Variants in UQCRC1 observed in about 807,000 individuals in gnomAD.
UQCRC1 encodes the protein ubiquinol-cytochrome c reductase core protein 1.
A neutral mutation model predicts 58.0 loss-of-function variants in UQCRC1; 34 were observed. That is an observed-to-expected ratio of 0.59 (90% confidence interval 0.45 to 0.78). The LOEUF is 0.78. UQCRC1 is among the 30% of genes least tolerant of loss of function. The pLI is 0.00. For synonymous variants in UQCRC1, 276 were observed against 248.8 expected (o/e 1.11, Z -1.03); for missense variants, 610 against 646.0 (o/e 0.94, Z 0.60).
chr3:48,603,995 C>T (rs1371737827), intron 5 of UQCRC1: 1 of 597,434 alleles, frequency 1.7e-6, no homozygotes, highest in African/African-American at 1.9e-5. Flanking sequence ...AGACACTTCG[C>T]CCTTGGACTG....
intron 12 of UQCRC1, 70 bp downstream of exon 12, chr3:48,599,565 G>T: frequency 6.5e-7 from 1 of 1,544,028 alleles, no homozygotes; most frequent in South Asian, 1.1e-5. Context: ...TGCGGGAGCA[G>T]AGGTGGAAGG....
At chr3:48,600,379 A>G in intron 10 of UQCRC1, 103 bp downstream of exon 10, 4 of 1,466,350 alleles carry the variant, frequency 2.7e-6, no homozygotes, top group South Asian at 2.4e-5. Context: ...CGTGGTCTTC[A>G]AAGTTTTCCT....
At position 48,601,446 on chromosome 3, in the gene UQCRC1, A is replaced by AAC; in HGVS notation, c.726_727dup (p.Leu243CysfsTer2). The stretch of plus-strand genomic sequence containing the variant: ...ACCGAGGTGCTTCTGGGCGAGGTCT[A>AAC]ACAGTTGCTGGTGCTCCACTCCTGC... On this transcript the variant is annotated frameshift_variant, in exon 7 of 13. Transcript: ENST00000203407. LOFTEE classifies it high-confidence loss of function. 1 of 1,614,092 alleles carries AAC rather than the reference A, an allele frequency of 6.2e-7. No homozygotes were observed. Among genetic ancestry groups the AAC allele is most frequent in the Non-Finnish European group, 8.5e-7 (1 of 1,180,004 alleles).
chr3:48,600,531 C>A lies in UQCRC1; in HGVS notation c.1164G>T (p.Val388=), dbSNP rs140583334. The change falls in exon 10 of 13, where the codon GTG becomes GTT. Residue 388 remains valine, a synonymous_variant. Transcript: ENST00000203407. ...TTCTGAGGATGTTTTTGCCCCGGGC[C>A]ACCTCACTCTCCGTGGCACTGGTAC... is the stretch of plus-strand genomic sequence containing the variant. ...RLCTSATESE[V]ARGKNILRNA... 1,273 of 1,614,066 alleles carry A rather than the reference C, an allele frequency of 7.9e-4. 17 individuals carry two copies. The East Asian group carries it at 0.021, about 27-fold the overall frequency.
At chr3:48,599,324 G>T in intron 12 of UQCRC1, 132 bp from the exon 13 acceptor site, 1 of 1,090,756 alleles carries the variant, frequency 9.2e-7, no homozygotes, top group Non-Finnish European at 1.3e-6. Context: ...AGAGAGGAGA[G>T]AACATTCCCC....
chr3:48,608,658 T>C (rs769716843), intron 2 of UQCRC1, among the ~76,000 whole-genome samples: 11 of 152,264 alleles, frequency 7.2e-5, no homozygotes, highest in Non-Finnish European at 1.3e-4. Context: ...CCTATTCATA[T>C]ATCTATCTGT....
chr3:48,603,384 G>A (rs1033274073), intron 6 of UQCRC1, among the ~76,000 whole-genome samples, 180 bp downstream of exon 6: 7 of 152,158 alleles, frequency 4.6e-5, no homozygotes, highest in Non-Finnish European at 8.8e-5. Context: ...CAGTGGTGGC[G>A]GCAGGGTAGA....
intron 2 of UQCRC1, among the ~76,000 whole-genome samples, chr3:48,608,646 C>T (rs1020102104): frequency 1.3e-5 from 2 of 152,202 alleles, no homozygotes; most frequent in Non-Finnish European, 2.9e-5. Flanking sequence ...GGAATCTTCT[C>T]ACCTATTCAT....
At chr3:48,601,543 A>G (rs2046366579) in intron 6 of UQCRC1, 76 bp from the exon 7 acceptor site, 1 of 1,368,284 alleles carries the variant, frequency 7.3e-7, no homozygotes, top group African/African-American at 1.4e-5. Flanking sequence ...AGACAGGCAG[A>G]GGACCCCCAT....
At chr3:48,604,903 G>A in intron 3 of UQCRC1, 123 bp from the exon 4 acceptor site, 1 of 1,374,982 alleles carries the variant, frequency 7.3e-7, no homozygotes, top group South Asian at 1.3e-5. Context: ...ATAGACTCTG[G>A]GGACACAGAT....
At position 48,609,185 on chromosome 3, in the gene UQCRC1, GCT is replaced by G; in HGVS notation, c.185_186del (p.Glu62AlafsTer14). On this transcript the variant is annotated frameshift_variant, in exon 2 of 13. Coordinates refer to ENST00000203407, the MANE Select transcript of UQCRC1 (RefSeq NM_003365.3). LOFTEE classifies it high-confidence loss of function. Reference protein sequence around the residue: ...LLDNGLRVASEQSSQPTCTVG... With the variant: ...LLDNGLRVASXQSSQPTCTVG... ...ACCGTGCAAGTGGGCTGAGAGGACTGCTCGGAGGCCACACGCAGGCCGTTGTC... is the reference window on the plus strand; with the variant it reads ...ACCGTGCAAGTGGGCTGAGAGGACTGCGGAGGCCACACGCAGGCCGTTGTC... 6.2e-7 allele frequency: 1 copy of G among 1,612,350 alleles called. No homozygotes were observed. The highest frequency in any genetic ancestry group is 8.5e-7 in the Non-Finnish European group (1 of 1,179,214).
At position 48,601,404 on chromosome 3, in the gene UQCRC1, T is replaced by A; in HGVS notation, c.770A>T (p.Tyr257Phe). 6.2e-7 allele frequency: 1 copy of A among 1,614,208 alleles called. No individual in the cohort carries two copies. The highest frequency in any genetic ancestry group is 8.5e-7 in the Non-Finnish European group (1 of 1,180,024). Residue 257 changes from tyrosine to phenylalanine, a missense_variant, in exon 7 of 13, where the codon TAT becomes TTT. Coordinates refer to ENST00000203407, the MANE Select transcript of UQCRC1 (RefSeq NM_003365.3). ...AAGAGTGGGCACAGCGTCCTCTGCA[T>A]ATGTCCATGGGATGCCACCGAGGTG... ...QKHLGGIPWT[Y>F]AEDAVPTLTP...
intron 1 of UQCRC1, 108 bp downstream of exon 1, chr3:48,609,444 G>A (rs2046444922): frequency 1.3e-6 from 2 of 1,519,642 alleles, no homozygotes; most frequent in Non-Finnish European, 1.8e-6. Flanking sequence ...CCTTCCCACG[G>A]CCCTGACCCC....
At position 48,604,388 on chromosome 3, in the gene UQCRC1, T is replaced by C. The variant is rs1029209205; in HGVS notation, c.471A>G (p.Glu157=). The C allele has an allele frequency of 6.2e-7, 1 of 1,614,228 alleles. No homozygotes were observed. The highest frequency in any genetic ancestry group is 8.5e-7 in the Non-Finnish European group (1 of 1,180,048). ...LGDIVQNCSL[E]DSQIEKERDV... Reference sequence around the variant, plus strand: ...CACGTTCCTTCTCAATCTGTGAGTCTTCCAGACTACAGTTCTGCACAATGT... The same window carrying C: ...CACGTTCCTTCTCAATCTGTGAGTCCTCCAGACTACAGTTCTGCACAATGT... The change falls in exon 5 of 13, where the codon GAA becomes GAG. Residue 157 remains glutamate, a synonymous_variant. Coordinates refer to ENST00000203407, the MANE Select transcript of UQCRC1 (RefSeq NM_003365.3).
In UQCRC1 at chr3:48,599,054, C is replaced by T. The variant is rs554613079; in HGVS notation, c.*74G>A. 4.5e-6 allele frequency: 7 copies of T among 1,561,700 alleles called. No homozygotes were observed. The highest frequency in any genetic ancestry group is 4.1e-5 in the African/African-American group (3 of 73,808). The stretch of plus-strand genomic sequence containing the variant: ...CACCTGTGGCACAGGTTAGAGGAGC[C>T]GAAGTGCTGTGTTTGTGGTGGGGGG... On this transcript the variant is annotated 3_prime_UTR_variant, in exon 13 of 13. Transcript: ENST00000203407.
At position 48,609,283 on chromosome 3, in the gene UQCRC1, G is replaced by A. The variant is rs2046441565; in HGVS notation, c.89C>T (p.Pro30Leu). The change falls in exon 2 of 13, where the codon CCA becomes CTA. Residue 30 changes from proline (P) to leucine (L), a missense_variant. By Grantham distance (98) the Pro-to-Leu change is moderately conservative (BLOSUM62 -3). Coordinates refer to ENST00000203407, the MANE Select transcript of UQCRC1 (RefSeq NM_003365.3). ...GAAGGTTGCCGTACTCCGCAAGGCT[G>A]GCGTCCGCAGCAGGGCCGGCTGTGG... The part of the protein sequence containing the change: ...ARRSPALLRT[P>L]ALRSTATFAQ... 1.2e-6 allele frequency: 2 copies of A among 1,610,154 alleles called. No individual in the cohort carries two copies. The highest frequency in any genetic ancestry group is 1.1e-5 in the South Asian group (1 of 90,928).
intron 8 of UQCRC1, 22 bp from the exon 9 acceptor site, chr3:48,600,862 A>G (rs1264885098): frequency 1.2e-6 from 2 of 1,613,618 alleles, no homozygotes; most frequent in Admixed American, 1.7e-5. Flanking sequence ...ATAGGTGGTC[A>G]GCACCCACCC....
chr3:48,599,992 G>T (rs2046348611), intron 11 of UQCRC1, 71 bp downstream of exon 11: 1 of 1,581,724 alleles, frequency 6.3e-7, no homozygotes, highest in African/African-American at 1.3e-5. Context: ...GCTATGCCAG[G>T]CCCCAACCCT....
At chr3:48,602,554 A>C (rs1575512807) in intron 6 of UQCRC1, among the ~76,000 whole-genome samples, 1 of 128,198 alleles carries the variant, frequency 7.8e-6, no homozygotes, top group East Asian at 2.3e-4. Flanking sequence ...ATGGAGTTTC[A>C]CTCTGTTGTG....
Sources: allele counts gnomAD v4.1 joint callset (sites outside exome capture counted in the v4.1 genomes callset), GRCh38; gene constraint gnomAD v4.1.1; transcripts MANE v1.5; gene names NCBI Gene and HGNC (gene_info 2026-07-23, HGNC 2026-07-21).